ADAMTS7: variants seen among roughly 807,000 people sequenced by gnomAD.
The protein encoded by ADAMTS7 is ADAM metallopeptidase with thrombospondin type 1 motif 7, also known as A disintegrin and metalloproteinase with thrombospondin motifs 7.
ADAMTS7 carries 89 observed loss-of-function variants against 172.6 expected under a neutral mutation model. The observed-to-expected ratio is 0.52, with a 90% confidence interval of 0.43 to 0.61. The LOEUF (loss-of-function observed/expected upper bound fraction) is 0.61. ADAMTS7 is among the 20% of genes least tolerant of loss of function. ADAMTS7 has a pLI of 0.00. For missense variants in ADAMTS7, 1,973 were observed against 2,355.6 expected, an observed-to-expected ratio of 0.84 and a Z score of 3.36; for synonymous variants, 885 against 978.4, an observed-to-expected ratio of 0.90 and a Z score of 1.78.
chr15:78,802,914 T>C (rs2055744446), intron 1 of ADAMTS7, among the ~76,000 whole-genome samples: 2 of 152,176 alleles, frequency 1.3e-5, no homozygotes, highest in South Asian at 2.1e-4. Flanking sequence ...GGAGAATCAC[T>C]TGAACCTGGG....
rs28665059 is a variant in ADAMTS7, at chr15:78,779,826, G to A, written c.1323-2238C>T. On this transcript the variant is annotated intron_variant, in intron 8 of 23. Transcript: ENST00000388820. The stretch of plus-strand genomic sequence containing the variant: ...AGCCCAGCCCTTCTGCTTCCTGGCT[G>A]CCCCAGTGCTGACTCGCTGCACATG... 7.9e-3 allele frequency among the ~76,000 whole-genome samples: 1,200 copies of A among 151,902 alleles called. 15 individuals carry two copies. Among genetic ancestry groups the A allele is most frequent in the African/African-American group, 0.027 (1,121 of 41,416 alleles).
chr15:78,800,321 C>T lies in ADAMTS7; in HGVS notation c.327G>A (p.Glu109=). 1 of 1,597,794 alleles carries T rather than the reference C, an allele frequency of 6.3e-7. No homozygotes were observed. Among genetic ancestry groups the T allele is most frequent in the South Asian group, 1.1e-5 (1 of 90,076 alleles). ...GGCCCAGGCCGCCGCGCCGCCGCGT[C>T]TCGCTCACAAAGCCGGGCGCCAGCA... The part of the protein sequence containing the change: ...QHLLAPGFVS[E]TRRRGGLGRA... The change falls in exon 2 of 24, where the codon GAG becomes GAA. Residue 109 remains glutamate (E), a synonymous_variant. Coordinates refer to ENST00000388820, the MANE Select transcript of ADAMTS7 (RefSeq NM_014272.5).
chr15:78,782,858 C>T (rs563819144), intron 8 of ADAMTS7, among the ~76,000 whole-genome samples: 2 of 152,160 alleles, frequency 1.3e-5, no homozygotes, highest in South Asian at 4.1e-4. Context: ...CCTGAGTAGC[C>T]AAGTGATGGC....
rs574864490 is a variant in ADAMTS7 at position 78,793,448 on chromosome 15, C to G, written c.820-2225G>C. Among the ~76,000 whole-genome samples, 66 of 152,094 alleles carry G rather than the reference C, an allele frequency of 4.3e-4. 1 individual carries two copies. In the South Asian group the frequency reaches 0.011, roughly 26 times the overall value. ...GGCTCACTGCAGCCGCTGCAGCCTC[C>G]ACCTCCTGGGCTCAAGCAATCCTCC... is the stretch of plus-strand genomic sequence containing the variant. On this transcript the variant is annotated intron_variant, in intron 4 of 23. Transcript: ENST00000388820.
intron 23 of ADAMTS7, 63 bp from the exon 24 acceptor site, chr15:78,759,641 C>T: frequency 6.8e-7 from 1 of 1,464,796 alleles, no homozygotes; most frequent in South Asian, 1.4e-5. Flanking sequence ...ACCTGGCTCC[C>T]TACGCCAACC....
At chr15:78,800,633 A>G (rs1294133742) in intron 1 of ADAMTS7, 86 bp from the exon 2 acceptor site, 1 of 1,268,666 alleles carries the variant, frequency 7.9e-7, no homozygotes, top group Non-Finnish European at 1.1e-6. Context: ...AGCGGCCAAG[A>G]GGGGGCTGCT....
intron 1 of ADAMTS7, among the ~76,000 whole-genome samples, chr15:78,802,606 C>T (rs1412706634): frequency 6.6e-6 from 1 of 152,240 alleles, no homozygotes; most frequent in African/African-American, 2.4e-5. Context: ...CTCTGTTGCT[C>T]TGTCCTCCTG....
Position 78,759,401 on chromosome 15 carries a change from G to T in ADAMTS7, c.*20C>A. On this transcript the variant is annotated 3_prime_UTR_variant, in exon 24 of 24. Coordinates refer to ENST00000388820, the MANE Select transcript of ADAMTS7 (RefSeq NM_014272.5). ...GGTGGGCACTGAGGTCTGTCGGTCG[G>T]TCTGTGCATCCTGGCGCAGTCAGCG... 2.5e-6 allele frequency: 4 copies of T among 1,578,718 alleles called. No homozygotes were observed. Among genetic ancestry groups the T allele is most frequent in the Middle Eastern group, 2.3e-4 (1 of 4,350 alleles).
At chr15:78,761,767 C>T (rs1444829320) in intron 23 of ADAMTS7, 10 of 823,232 alleles carry the variant, frequency 1.2e-5, no homozygotes, top group East Asian at 1.2e-4. Flanking sequence ...TGTGCGCGCA[C>T]GCACACATGC....
chr15:78,769,789 C>T (rs2055216558), intron 16 of ADAMTS7, among the ~76,000 whole-genome samples: 1 of 152,268 alleles, frequency 6.6e-6, no homozygotes, highest in South Asian at 2.1e-4. Context: ...TGCGAAGCAG[C>T]CAATTTGCTG....
At chr15:78,778,708 C>T (rs2055388331) in intron 8 of ADAMTS7, among the ~76,000 whole-genome samples, 1 of 152,138 alleles carries the variant, frequency 6.6e-6, no homozygotes, top group Non-Finnish European at 1.5e-5. Flanking sequence ...TGGGGAGGCA[C>T]AAACCCTCCA....
Position 78,791,167 on chromosome 15 carries a change from C to A in ADAMTS7, c.876G>T (p.Val292=). The part of the protein sequence containing the change: ...SIGNPIHITI[V]RLVLLEDEEE... ...CCTCATCTTCCAGCAGGACCAGGCG[C>A]ACAATGGTGATGTGGATGGGGTTCC... The change falls in exon 5 of 24, where the codon GTG becomes GTT. Residue 292 remains valine (V), a synonymous_variant. Transcript: ENST00000388820. 1 of 1,613,578 alleles carries A rather than the reference C, an allele frequency of 6.2e-7. No homozygotes were observed. Among genetic ancestry groups the A allele is most frequent in the Non-Finnish European group, 8.5e-7 (1 of 1,179,734 alleles).
Position 78,761,837 on chromosome 15 carries a change from C to G in ADAMTS7, c.4903+566G>C, listed in dbSNP as rs1425747359. On this transcript the variant is annotated intron_variant, in intron 23 of 23. Transcript: ENST00000388820. Reference sequence around the variant, plus strand: ...TACCTCAGGCCCTTCCACCAGGACCCAGCTGGCCAGGAAACCCCCCACCAC... The same window carrying G: ...TACCTCAGGCCCTTCCACCAGGACCGAGCTGGCCAGGAAACCCCCCACCAC... 1.7e-5 allele frequency: 17 copies of G among 985,272 alleles called. No individual in the cohort carries two copies. In the Admixed American group the frequency reaches 8.0e-4, roughly 46 times the overall value. 61.0% of individuals were successfully genotyped at this position (985,272 alleles called of 1,614,324 possible).
intron 6 of ADAMTS7, 35 bp downstream of exon 6, chr15:78,790,633 TGA>T: frequency 5.6e-6 from 9 of 1,609,748 alleles, no homozygotes; most frequent in Non-Finnish European, 7.6e-6. Flanking sequence ...AAGCACCTCC[TGA>T]GATGCAGGCT....
chr15:78,802,946 G>A (rs567208130), intron 1 of ADAMTS7, among the ~76,000 whole-genome samples: 16 of 152,116 alleles, frequency 1.1e-4, no homozygotes, highest in East Asian at 5.8e-4. Context: ...GTAGTGAGCC[G>A]AGATCGCATC....
At chr15:78,763,280 C>T (rs1300364340) in intron 22 of ADAMTS7, among the ~76,000 whole-genome samples, 1 of 152,224 alleles carries the variant, frequency 6.6e-6, no homozygotes, top group Non-Finnish European at 1.5e-5. Context: ...GATTTCTGAA[C>T]CCCTCAGTTC....
chr15:78,800,625 CG>C, intron 1 of ADAMTS7, 78 bp from the exon 2 acceptor site: 1 of 1,380,228 alleles, frequency 7.2e-7, no homozygotes, highest in South Asian at 1.3e-5. Flanking sequence ...CAGAAGGGAG[CG>C]GCCAAGAGGG....
rs184503582 is a variant in ADAMTS7, at chr15:78,769,353, C to G, written c.2519-1094G>C. 1.0e-2 allele frequency among the ~76,000 whole-genome samples: 1,517 copies of G among 152,308 alleles called. 31 individuals are homozygous for G. Among genetic ancestry groups the G allele is most frequent in the African/African-American group, 0.034 (1,422 of 41,550 alleles). The stretch of plus-strand genomic sequence containing the variant: ...GTCCCGAGAGTAAGTTGTCCCTCCC[C>G]TGAGCTGCCAGTCCCACATCCGTCC... On this transcript the variant is annotated intron_variant, in intron 16 of 23. Transcript: ENST00000388820.
chr15:78,773,901 G>C (rs1364968514), intron 13 of ADAMTS7, among the ~76,000 whole-genome samples: 4 of 152,206 alleles, frequency 2.6e-5, no homozygotes, highest in Non-Finnish European at 4.4e-5. Flanking sequence ...GGAGACGCAG[G>C]GGGGCGAGGC....
Sources: gnomAD v4.1 joint callset for allele counts (sites outside exome capture counted in the v4.1 genomes callset) on GRCh38, gnomAD v4.1.1 for gene constraint, MANE v1.5 for transcripts, NCBI Gene and HGNC (gene_info 2026-07-23, HGNC 2026-07-21) for gene names.